Variants in IL1RAPL1 observed in about 807,000 individuals in gnomAD.
IL1RAPL1 encodes the protein interleukin-1 receptor accessory protein-like 1.
IL1RAPL1 carries 3 observed loss-of-function variants against 48.4 expected under a neutral mutation model. The observed-to-expected ratio is 0.06, with a 90% CI of 0.03 to 0.16. The LOEUF is 0.16. Ranked by LOEUF, IL1RAPL1 falls within the 10% of genes least tolerant of loss-of-function variation. The pLI is 1.00. For synonymous variants in IL1RAPL1, 185 were observed against 187.7 expected, an observed-to-expected ratio of 0.99 and a Z score of 0.12; for missense variants, 349 against 530.6, an observed-to-expected ratio of 0.66 and a Z score of 3.36.
chrX:28,676,664 C>A (rs1396306576), intron 1 of IL1RAPL1, among the ~76,000 whole-genome samples: 2 of 108,223 alleles, frequency 1.8e-5, no homozygotes, highest in African/African-American at 3.4e-5. Flanking sequence ...ACCAGGGAGG[C>A]AGAGGTTGCA....
chrX:29,545,203 CTAT>C (rs1921583436), intron 5 of IL1RAPL1, among the ~76,000 whole-genome samples: 1 of 107,091 alleles, frequency 9.3e-6, no homozygotes, highest in African/African-American at 3.4e-5. Context: ...ATCTATCTAT[CTAT>C]CTATCTATCT....
At chrX:29,285,828 C>A (rs927323395) in intron 3 of IL1RAPL1, among the ~76,000 whole-genome samples, 1 of 111,472 alleles carries the variant, frequency 9.0e-6, no homozygotes, top group East Asian at 2.8e-4. Flanking sequence ...ACTCAAAAGT[C>A]TTTACAAACA....
chrX:29,904,651 T>C (rs1273587258), intron 6 of IL1RAPL1, among the ~76,000 whole-genome samples: 1 of 111,525 alleles, frequency 9.0e-6, no homozygotes, highest in African/African-American at 3.3e-5. Context: ...GTTAGTTTGC[T>C]GAGGATGATG....
At chrX:29,700,637 A>T (rs1277422103) in intron 6 of IL1RAPL1, among the ~76,000 whole-genome samples, 1 of 111,992 alleles carries the variant, frequency 8.9e-6, no homozygotes, top group Non-Finnish European at 1.9e-5. Flanking sequence ...TAACAGTATT[A>T]CAGCTCTGCC....
intron 6 of IL1RAPL1, among the ~76,000 whole-genome samples, chrX:29,755,508 C>T (rs764147885): frequency 8.9e-6 from 1 of 112,097 alleles, no homozygotes; most frequent in Non-Finnish European, 1.9e-5. Flanking sequence ...ACTCCCAGTA[C>T]ACCTCCAATA....
chrX:28,963,741 T>C (rs1385064952), intron 2 of IL1RAPL1, among the ~76,000 whole-genome samples: 1 of 111,086 alleles, frequency 9.0e-6, no homozygotes, highest in Non-Finnish European at 1.9e-5. Context: ...TTCCAGAACC[T>C]CTATAATTCT....
chrX:28,650,866 A>G (rs1256031148), intron 1 of IL1RAPL1, among the ~76,000 whole-genome samples: 1 of 112,261 alleles, frequency 8.9e-6, no homozygotes, highest in Non-Finnish European at 1.9e-5. Flanking sequence ...AAAGGTTTTG[A>G]TATTTATAGA....
chrX:28,819,800 A>C (rs1936910831), intron 2 of IL1RAPL1, among the ~76,000 whole-genome samples: 1 of 106,667 alleles, frequency 9.4e-6, no homozygotes, highest in Admixed American at 1.0e-4. Flanking sequence ...TTATATACTC[A>C]TTAATATATG....
At chrX:29,020,556 C>G (rs1254927449) in intron 2 of IL1RAPL1, among the ~76,000 whole-genome samples, 2 of 111,856 alleles carry the variant, frequency 1.8e-5, no homozygotes, top group Non-Finnish European at 3.8e-5. Flanking sequence ...ATGAAATCAC[C>G]TAACGATGCT....
At chrX:29,883,664 C>A (rs1453478210) in intron 6 of IL1RAPL1, among the ~76,000 whole-genome samples, 1 of 111,583 alleles carries the variant, frequency 9.0e-6, no homozygotes, top group Non-Finnish European at 1.9e-5. Flanking sequence ...TGGAACAGAG[C>A]AGCTTGAGTC....
At chrX:28,694,072 G>T (rs983511448) in intron 1 of IL1RAPL1, among the ~76,000 whole-genome samples, 2 of 111,001 alleles carry the variant, frequency 1.8e-5, no homozygotes, top group Non-Finnish European at 3.8e-5. Flanking sequence ...GTCTCCTTTG[G>T]TGGCGTGTTT....
intron 5 of IL1RAPL1, among the ~76,000 whole-genome samples, chrX:29,526,037 TGAAA>T (rs1294040592): frequency 1.3e-4 from 14 of 111,529 alleles, no homozygotes; most frequent in African/African-American, 4.6e-4. Context: ...GTCTAATGAA[TGAAA>T]GAAATACCAA....
intron 5 of IL1RAPL1, among the ~76,000 whole-genome samples, chrX:29,573,668 A>C (rs1405242105): frequency 1.8e-5 from 2 of 112,266 alleles, no homozygotes; most frequent in Non-Finnish European, 3.8e-5. Flanking sequence ...TCTTGGTAAA[A>C]GTGAGATGTT....
At chrX:28,666,982 A>T (rs184581003) in intron 1 of IL1RAPL1, among the ~76,000 whole-genome samples, 3 of 112,089 alleles carry the variant, frequency 2.7e-5, no homozygotes, top group African/African-American at 9.7e-5. Flanking sequence ...ATCTTGAATT[A>T]GACAGTTTTC....
At chrX:29,646,983 G>A (rs1035987561) in intron 5 of IL1RAPL1, among the ~76,000 whole-genome samples, 1 of 112,135 alleles carries the variant, frequency 8.9e-6, no homozygotes, top group Non-Finnish European at 1.9e-5. Context: ...TGAAAGAAAA[G>A]AATGCTAGTG....
At chrX:29,597,833 C>T (rs1923599952) in intron 5 of IL1RAPL1, among the ~76,000 whole-genome samples, 3 of 111,946 alleles carry the variant, frequency 2.7e-5, no homozygotes, top group African/African-American at 9.7e-5. Flanking sequence ...TCATAGTAGC[C>T]TTGAATAATC....
chrX:29,718,042 C>T (rs1422603154), intron 6 of IL1RAPL1, among the ~76,000 whole-genome samples: 1 of 111,896 alleles, frequency 8.9e-6, no homozygotes, highest in Non-Finnish European at 1.9e-5. Context: ...ACATTCTTTT[C>T]TTCAAATTCT....
chrX:29,601,149 T>C (rs1923706187), intron 5 of IL1RAPL1, among the ~76,000 whole-genome samples: 1 of 112,330 alleles, frequency 8.9e-6, no homozygotes, highest in Non-Finnish European at 1.9e-5. Context: ...TAAATAGATT[T>C]ACTAATCACC....
chrX:29,601,883 T>A (rs1278261568), intron 5 of IL1RAPL1, among the ~76,000 whole-genome samples: 1 of 112,515 alleles, frequency 8.9e-6, no homozygotes, highest in Non-Finnish European at 1.9e-5. Flanking sequence ...TTTTGATGGG[T>A]GTATTCATAA....
Sources: allele counts gnomAD v4.1 joint callset (sites outside exome capture counted in the v4.1 genomes callset), GRCh38; gene constraint gnomAD v4.1.1; transcripts MANE v1.5; gene names NCBI Gene and HGNC (gene_info 2026-07-23, HGNC 2026-07-21).